The following SAMSN1 variants were observed in gnomAD, a reference collection of about 807,000 sequenced individuals.
The protein encoded by SAMSN1 is SAM domain, SH3 domain and nuclear localization signals 1.
In SAMSN1, 31 loss-of-function variants were observed where a neutral mutation model predicts 42.0. The observed-to-expected ratio is 0.74, with a 90% CI of 0.55 to 1.00. The LOEUF (loss-of-function observed/expected upper bound fraction) is 1.00, where lower values mean the gene tolerates loss of function less well. SAMSN1 is among the 50% of genes least tolerant of loss of function. The pLI is 0.00. For missense variants in SAMSN1, 464 were observed against 439.4 expected (o/e 1.06, Z -0.50); for synonymous variants, 178 against 151.9 (o/e 1.17, Z -1.26).
chr21:14,563,513 G>A (rs1201754009), intron 2 of SAMSN1, among the ~76,000 whole-genome samples: 4 of 152,202 alleles, frequency 2.6e-5, no homozygotes, highest in Middle Eastern at 3.4e-3. Context: ...GGAAAGTTAA[G>A]GCTCAAAAAA....
chr21:14,620,311 G>A (rs1292587), intron 2 of SAMSN1, among the ~76,000 whole-genome samples: 73,397 of 151,900 alleles, frequency 0.48, 21,338 homozygotes, highest in Non-Finnish European at 0.65. Flanking sequence ...TGCTGTTCTC[G>A]TGATACTGAG....
chr21:14,614,271 C>T (rs934130654), intron 3 of SAMSN1, among the ~76,000 whole-genome samples: 7 of 152,066 alleles, frequency 4.6e-5, no homozygotes, highest in Non-Finnish European at 8.8e-5. Context: ...TTTATTAATA[C>T]AAAAACAGTG....
intron 2 of SAMSN1, among the ~76,000 whole-genome samples, chr21:14,621,068 C>T (rs1982989294): frequency 6.6e-6 from 1 of 152,154 alleles, no homozygotes; most frequent in African/African-American, 2.4e-5. Context: ...TCCTATGTTT[C>T]AACAAATTTC....
intron 1 of SAMSN1, among the ~76,000 whole-genome samples, chr21:14,536,847 C>T (rs1221485666): frequency 6.6e-6 from 1 of 152,148 alleles, no homozygotes; most frequent in African/African-American, 2.4e-5. Context: ...CATCTTTAGA[C>T]AGCATGTAGT....
intron 7 of SAMSN1, chr21:14,591,265 A>G (rs544195107): frequency 3.9e-5 from 6 of 152,322 alleles, no homozygotes; most frequent in African/African-American, 1.4e-4. Context: ...ATTAGTTAAT[A>G]AAATCAAATA....
chr21:14,582,479 T>C (rs1026194630), exon 2 of SAMSN1: 17 of 1,127,180 alleles, frequency 1.5e-5, no homozygotes, highest in Non-Finnish European at 2.2e-5. Flanking sequence ...CAACGTGTCA[T>C]CTTCATCTTC....
At chr21:14,522,080 G>T (rs1357005916) in intron 1 of SAMSN1, among the ~76,000 whole-genome samples, 1 of 152,086 alleles carries the variant, frequency 6.6e-6, no homozygotes, top group Non-Finnish European at 1.5e-5. Context: ...ATTTAACATA[G>T]AATTACAATG....
intron 3 of SAMSN1, among the ~76,000 whole-genome samples, chr21:14,614,862 A>T (rs1275905284): frequency 6.6e-6 from 1 of 152,166 alleles, no homozygotes; most frequent in Non-Finnish European, 1.5e-5. Flanking sequence ...CTTCAATTTT[A>T]TTTTAATTGC....
Position 14,499,144 on chromosome 21 carries a change from T to TTA in SAMSN1, c.769-553_769-552insTA, listed in dbSNP as rs1987031523. Among the ~76,000 whole-genome samples the TTA allele has an allele frequency of 1.1e-4, 17 of 152,182 alleles. 1 individual carries two copies. Among genetic ancestry groups the TTA allele is most frequent in the Admixed American group, 3.3e-4 (5 of 15,274 alleles). ...AAGGCATTATGTAAACCAAAAGAAT[T>TTA]GGAGACTTTCTATTTAATTGGAAGC... On this transcript the variant is annotated intron_variant, in intron 6 of 7. Transcript: ENST00000400566.
At chr21:14,657,577 C>T (rs577669945) in intron 1 of SAMSN1, among the ~76,000 whole-genome samples, 2 of 151,894 alleles carry the variant, frequency 1.3e-5, no homozygotes, top group Non-Finnish European at 2.9e-5. Flanking sequence ...AGAAAGCAAT[C>T]GTCTTTGGTG....
chr21:14,490,969 C>T (rs944880386), intron 7 of SAMSN1, among the ~76,000 whole-genome samples: 1 of 152,198 alleles, frequency 6.6e-6, no homozygotes, highest in Admixed American at 6.5e-5. Flanking sequence ...GCTACTCTCC[C>T]CAACCATACA....
At chr21:14,594,573 T>C (rs1195323494) in intron 6 of SAMSN1, 1 of 152,266 alleles carries the variant, frequency 6.6e-6, no homozygotes. Context: ...GATTAATATC[T>C]CAAGTCATAG....
At position 14,555,795 on chromosome 21, in the gene SAMSN1, C is replaced by T. The variant is rs568658611; in HGVS notation, c.261+26341G>A. On this transcript the variant is annotated intron_variant, in intron 2 of 8. Transcript: ENST00000285670. ...AGAATATTATTCAGTACCACTGAAT[C>T]GTGCCTCATTTGGCAGAAAGGCAAT... Among the ~76,000 whole-genome samples, 5 of 152,312 alleles carry T rather than the reference C, an allele frequency of 3.3e-5. No individual in the cohort carries two copies. In the South Asian group the frequency reaches 6.2e-4, roughly 19 times the overall value.
At chr21:14,658,487 T>C (rs1983950013) in intron 1 of SAMSN1, among the ~76,000 whole-genome samples, 2 of 151,956 alleles carry the variant, frequency 1.3e-5, no homozygotes, top group Admixed American at 1.3e-4. Context: ...TCCCAGAACA[T>C]TATACTTAAA....
At chr21:14,632,871 T>C (rs1480435075) in intron 2 of SAMSN1, among the ~76,000 whole-genome samples, 1 of 152,212 alleles carries the variant, frequency 6.6e-6, no homozygotes, top group African/African-American at 2.4e-5. Flanking sequence ...TTGTTGGCTA[T>C]AGACTGAATG....
At chr21:14,491,402 C>G (rs1462479258) in intron 7 of SAMSN1, among the ~76,000 whole-genome samples, 1 of 152,122 alleles carries the variant, frequency 6.6e-6, no homozygotes, top group Non-Finnish European at 1.5e-5. Flanking sequence ...GCCACCATGC[C>G]TAGTCTGACT....
chr21:14,552,168 C>T (rs1320743424), intron 2 of SAMSN1, among the ~76,000 whole-genome samples: 1 of 152,092 alleles, frequency 6.6e-6, no homozygotes, highest in Non-Finnish European at 1.5e-5. Context: ...CCCTCTCCAA[C>T]CCAAGCTACC....
intron 4 of SAMSN1, among the ~76,000 whole-genome samples, chr21:14,511,176 T>G (rs910952379): frequency 6.6e-6 from 1 of 152,204 alleles, no homozygotes; most frequent in Non-Finnish European, 1.5e-5. Flanking sequence ...AGCCCACGTT[T>G]CACTACCATG....
At chr21:14,604,753 C>G (rs527684822) in intron 5 of SAMSN1, among the ~76,000 whole-genome samples, 1 of 152,252 alleles carries the variant, frequency 6.6e-6, no homozygotes, top group East Asian at 1.9e-4. Flanking sequence ...GTTGGCTGCC[C>G]GGCTGAGCCG....
Sources: allele counts gnomAD v4.1 joint callset (sites outside exome capture counted in the v4.1 genomes callset), GRCh38; gene constraint gnomAD v4.1.1; transcripts MANE v1.5; gene names NCBI Gene and HGNC (gene_info 2026-07-23, HGNC 2026-07-21).